Variants in HLCS observed in about 807,000 individuals in gnomAD.
The protein encoded by HLCS is biotin--protein ligase.
Under a neutral mutation model 75.0 loss-of-function variants are expected in HLCS, and 53 were observed. That is an observed-to-expected ratio of 0.71 (90% CI 0.57 to 0.89). The LOEUF is 0.89. HLCS is among the 40% of genes least tolerant of loss of function. The probability of loss-of-function intolerance (pLI) is 0.00; values close to 1 mark genes in which losing one functional copy is unlikely to be tolerated. For synonymous variants in HLCS, 431 were observed against 428.6 expected (o/e 1.01, Z -0.07); for missense variants, 966 against 1,074.0 (o/e 0.90, Z 1.41).
chr21:36,915,983 T>A (rs1175007674), intron 5 of HLCS, among the ~76,000 whole-genome samples: 1 of 151,944 alleles, frequency 6.6e-6, no homozygotes. Context: ...CCAAATAAAA[T>A]GTGCTTACTA....
In HLCS at chr21:36,937,248, G is replaced by A; in HGVS notation, c.638C>T (p.Pro213Leu). 1 of 1,613,992 alleles carries A rather than the reference G, an allele frequency of 6.2e-7. No individual in the cohort carries two copies. The highest frequency in any genetic ancestry group is 8.5e-7 in the Non-Finnish European group (1 of 1,179,948). ...DGMEHVGRDD[P>L]KALGEEPKQR... is the part of the protein sequence containing the mutation. ...TTTGGGTTCTTCACCAAGAGCCTTTGGGTCATCTCTGCCAACATGCTCCAT... is the reference window on the plus strand; with the variant it reads ...TTTGGGTTCTTCACCAAGAGCCTTTAGGTCATCTCTGCCAACATGCTCCAT... Residue 213 changes from proline to leucine, a missense_variant, in exon 4 of 11, where the codon CCA (proline) becomes CTA (leucine). By Grantham distance (98) the Pro-to-Leu change is moderately conservative. Transcript: ENST00000674895.
At chr21:36,908,236 C>A (rs1835986092) in intron 5 of HLCS, among the ~76,000 whole-genome samples, 1 of 151,446 alleles carries the variant, frequency 6.6e-6, no homozygotes, top group Non-Finnish European at 1.5e-5. Flanking sequence ...AATAAAAAAA[C>A]AAAACTAGTC....
intron 1 of HLCS, among the ~76,000 whole-genome samples, chr21:36,962,462 G>C (rs3819154): frequency 0.041 from 6,231 of 152,186 alleles, 225 homozygotes; most frequent in East Asian, 0.14. Context: ...TCACTGCTTA[G>C]CACACAGTAG....
chr21:36,858,878 C>A (rs1258780894), intron 6 of HLCS, among the ~76,000 whole-genome samples: 1 of 152,192 alleles, frequency 6.6e-6, no homozygotes, highest in Non-Finnish European at 1.5e-5. Flanking sequence ...CCCAAATGCT[C>A]CTCGTGCATC....
At chr21:36,983,405 T>A (rs140060324) in intron 1 of HLCS, among the ~76,000 whole-genome samples, 2,382 of 150,354 alleles carry the variant, frequency 0.016, 66 homozygotes, top group African/African-American at 0.051. Flanking sequence ...GAGATGGGGT[T>A]TCACTATGTT....
intron 6 of HLCS, among the ~76,000 whole-genome samples, chr21:36,850,139 T>C (rs2062939886): frequency 6.6e-6 from 1 of 152,264 alleles, no homozygotes; most frequent in Non-Finnish European, 1.5e-5. Context: ...ACATTCTGTG[T>C]GGCAGTGGCC....
intron 4 of HLCS, among the ~76,000 whole-genome samples, chr21:36,933,257 G>A (rs1246687027): frequency 6.6e-6 from 1 of 152,120 alleles, no homozygotes; most frequent in Non-Finnish European, 1.5e-5. Flanking sequence ...CAGGTCAGGT[G>A]GGCCTGTTTG....
At chr21:36,986,424 G>GT (rs933234878) in intron 1 of HLCS, among the ~76,000 whole-genome samples, 44 of 152,294 alleles carry the variant, frequency 2.9e-4, no homozygotes, top group African/African-American at 9.9e-4. Context: ...CTTTTCGTTT[G>GT]TTTTTTGGTT....
intron 6 of HLCS, among the ~76,000 whole-genome samples, chr21:36,833,928 A>G (rs1419026665): frequency 6.6e-6 from 1 of 152,254 alleles, no homozygotes; most frequent in Non-Finnish European, 1.5e-5. Flanking sequence ...AGGATTTGCT[A>G]GAATTTAGTA....
intron 6 of HLCS, among the ~76,000 whole-genome samples, chr21:36,799,107 A>G (rs2061118618): frequency 2.0e-5 from 3 of 152,182 alleles, no homozygotes; most frequent in African/African-American, 4.8e-5. Flanking sequence ...CCCTACTCCA[A>G]TGTCACAAAT....
At chr21:36,812,756 C>T (rs1385573223) in intron 6 of HLCS, among the ~76,000 whole-genome samples, 1 of 152,078 alleles carries the variant, frequency 6.6e-6, no homozygotes, top group Non-Finnish European at 1.5e-5. Flanking sequence ...ACTTTTCCTC[C>T]TTTTAAAAAG....
chr21:36,867,657 G>A (rs768043560), intron 6 of HLCS, among the ~76,000 whole-genome samples: 44 of 152,134 alleles, frequency 2.9e-4, no homozygotes, highest in Non-Finnish European at 5.9e-5. Flanking sequence ...TGTTAAAGAC[G>A]GCAGAGCCCC....
intron 6 of HLCS, among the ~76,000 whole-genome samples, chr21:36,801,805 ATT>A (rs555924548): frequency 1.3e-5 from 2 of 150,850 alleles, no homozygotes; most frequent in Non-Finnish European, 3.0e-5. Flanking sequence ...AAATTTTTTA[ATT>A]TCTTTTATAG....
intron 4 of HLCS, among the ~76,000 whole-genome samples, chr21:36,935,219 A>G (rs1420127733): frequency 6.6e-6 from 1 of 152,218 alleles, no homozygotes; most frequent in Non-Finnish European, 1.5e-5. Flanking sequence ...AGAGAAAAAG[A>G]TAAGAGGAAC....
At chr21:36,948,336 A>G (rs1342234330) in intron 2 of HLCS, 1 of 151,760 alleles carries the variant, frequency 6.6e-6, no homozygotes, top group East Asian at 1.9e-4. Context: ...GACTAAAGGG[A>G]AAAAGTTATT....
At chr21:36,884,924 C>A (rs1375125815) in intron 6 of HLCS, among the ~76,000 whole-genome samples, 2 of 151,744 alleles carry the variant, frequency 1.3e-5, no homozygotes, top group Non-Finnish European at 2.9e-5. Context: ...CAAGGGACTG[C>A]GAAAATGTTC....
At chr21:36,960,910 C>T (rs2068255113) in intron 2 of HLCS, among the ~76,000 whole-genome samples, 2 of 152,164 alleles carry the variant, frequency 1.3e-5, no homozygotes, top group Non-Finnish European at 2.9e-5. Flanking sequence ...GAATGACTAA[C>T]TCTGGCCATC....
intron 6 of HLCS, among the ~76,000 whole-genome samples, chr21:36,870,217 G>A (rs1365496496): frequency 6.6e-6 from 1 of 151,986 alleles, no homozygotes; most frequent in Non-Finnish European, 1.5e-5. Context: ...CACACACCCA[G>A]CTACCCCTCT....
chr21:36,888,441 AAAAAATATATATATATAT>A (rs1433089085), intron 6 of HLCS, among the ~76,000 whole-genome samples: 11 of 31,548 alleles, frequency 3.5e-4, no homozygotes, highest in African/African-American at 7.2e-4. Context: ...TTAAAAAAAA[AAAAAATATATATATATAT>A]ATATATATAT....
Sources: allele counts gnomAD v4.1 joint callset (sites outside exome capture counted in the v4.1 genomes callset), GRCh38; gene constraint gnomAD v4.1.1; transcripts MANE v1.5; gene names NCBI Gene and HGNC (gene_info 2026-07-23, HGNC 2026-07-21).